TRDN: variants seen among roughly 807,000 people sequenced by gnomAD.
TRDN encodes triadin in skeletal muscle.
TRDN carries 161 observed loss-of-function variants against 149.7 expected under a neutral mutation model. The ratio of observed to expected loss-of-function variants is 1.08; its 90% CI spans 0.95 to 1.23. The LOEUF (loss-of-function observed/expected upper bound fraction) is 1.23. Among genes scored for constraint, TRDN ranks in the 50% most tolerant of loss-of-function variants. The pLI is 0.00. For missense variants in TRDN, 896 were observed against 823.5 expected (o/e 1.09, Z -1.08); for synonymous variants, 294 against 250.5 (o/e 1.17, Z -1.64).
At chr6:123,395,429 T>C (rs994533884) in intron 12 of TRDN, among the ~76,000 whole-genome samples, 1 of 152,114 alleles carries the variant, frequency 6.6e-6, no homozygotes, top group African/African-American at 2.4e-5. Flanking sequence ...AGTTTTCCCA[T>C]TTGAGTGTCC....
Position 123,218,807 on chromosome 6 carries a change from G to A in TRDN, c.2051-67C>T, listed in dbSNP as rs766820457. 1.3e-5 allele frequency: 20 copies of A among 1,487,346 alleles called. No individual in the cohort carries two copies. The Admixed American group carries it at 2.3e-4, about 17-fold the overall frequency. 92.1% of individuals were successfully genotyped at this position (1,487,346 alleles called of 1,614,324 possible). On this transcript the variant is annotated intron_variant, in intron 40 of 40. Transcript: ENST00000334268. ...ATGAGCAAAAAAGCACAGTGAGGCA[G>A]TGCAGTGCAGCAGATAAGGTCACAG...
chr6:123,322,954 C>T (rs974692097), intron 23 of TRDN, among the ~76,000 whole-genome samples: 3 of 152,142 alleles, frequency 2.0e-5, no homozygotes, highest in African/African-American at 7.2e-5. Flanking sequence ...CACCTTTTTT[C>T]ACTGTCTTGT....
intron 24 of TRDN, among the ~76,000 whole-genome samples, chr6:123,290,124 C>T (rs1777950964): frequency 6.6e-6 from 1 of 152,098 alleles, no homozygotes; most frequent in Non-Finnish European, 1.5e-5. Context: ...GCCTTAGGGA[C>T]TCCGGGATAG....
chr6:123,574,013 G>A (rs909085331), intron 1 of TRDN, among the ~76,000 whole-genome samples: 2 of 151,924 alleles, frequency 1.3e-5, no homozygotes, highest in African/African-American at 4.8e-5. Flanking sequence ...TAAATAACAT[G>A]AAATTCTATG....
intron 23 of TRDN, 121 bp from the exon 24 acceptor site, chr6:123,316,616 A>G (rs1223707946): frequency 1.4e-6 from 1 of 723,692 alleles, no homozygotes; most frequent in African/African-American, 1.8e-5. Flanking sequence ...TCTGTTTTCA[A>G]TTTCAATTAT....
intron 1 of TRDN, among the ~76,000 whole-genome samples, chr6:123,615,601 C>T (rs1425030949): frequency 6.6e-6 from 1 of 152,054 alleles, no homozygotes; most frequent in South Asian, 2.1e-4. Context: ...GAAATCCTGT[C>T]ATTCACAGCA....
At chr6:123,635,995 T>C (rs1335647057) in intron 1 of TRDN, among the ~76,000 whole-genome samples, 1 of 151,930 alleles carries the variant, frequency 6.6e-6, no homozygotes, top group African/African-American at 2.4e-5. Flanking sequence ...CAGTAAAGCA[T>C]TGAAACAGAA....
intron 10 of TRDN, among the ~76,000 whole-genome samples, chr6:123,447,164 T>C (rs550213907): frequency 6.6e-6 from 1 of 152,316 alleles, no homozygotes; most frequent in East Asian, 1.9e-4. Flanking sequence ...AAGTCTGCTC[T>C]TCTCATTATC....
chr6:123,369,201 G>A (rs1781228648), intron 19 of TRDN, among the ~76,000 whole-genome samples: 1 of 152,062 alleles, frequency 6.6e-6, no homozygotes, highest in Non-Finnish European at 1.5e-5. Flanking sequence ...TGTTCATGTG[G>A]CAGTCTTCTG....
intron 8 of TRDN, chr6:123,498,443 T>A (rs1405456762): frequency 5.0e-6 from 2 of 402,054 alleles, no homozygotes; most frequent in African/African-American, 4.2e-5. Flanking sequence ...TCTTTTTCAT[T>A]AATACCTAAA....
chr6:123,438,850 G>T, intron 11 of TRDN, 94 bp downstream of exon 11: 1 of 951,864 alleles, frequency 1.1e-6, no homozygotes. Context: ...CATTTATTAA[G>T]GGAATTTCTT....
chr6:123,554,766 AT>A (rs766375495), intron 2 of TRDN, among the ~76,000 whole-genome samples: 2 of 152,184 alleles, frequency 1.3e-5, no homozygotes, highest in Non-Finnish European at 2.9e-5. Flanking sequence ...TGTTTTTAAA[AT>A]CTGAAGTGGT....
At position 123,217,644 on chromosome 6, in the gene TRDN, A is replaced by G. The variant is rs562527021; in HGVS notation, c.*957T>C. On this transcript the variant is annotated 3_prime_UTR_variant, in exon 41 of 41. Transcript: ENST00000334268. The stretch of plus-strand genomic sequence containing the variant: ...CATCTCACGAAGGCATTTAAGGCTA[A>G]AATGAATTCCTTAAACTTTGATGGC... 6.6e-6 allele frequency: 1 copy of G among 152,164 alleles called. No individual in the cohort carries two copies. Among genetic ancestry groups the G allele is most frequent in the African/African-American group, 2.4e-5 (1 of 41,568 alleles). The allele number at this position is 152,164 out of a possible 1,614,324, so 9.4% of individuals were successfully genotyped here.
chr6:123,271,100 T>C (rs777523112), intron 30 of TRDN, 39 bp downstream of exon 30: 2 of 1,327,450 alleles, frequency 1.5e-6, no homozygotes, highest in East Asian at 2.5e-5. Flanking sequence ...ACATAACATA[T>C]AATGAGACAT....
chr6:123,557,081 A>T (rs371384242), intron 2 of TRDN, among the ~76,000 whole-genome samples: 34 of 149,240 alleles, frequency 2.3e-4, no homozygotes, highest in African/African-American at 8.4e-4. Context: ...CCAGAGAATA[A>T]CCCCCCTTTG....
At chr6:123,418,469 C>A (rs1241531351) in intron 12 of TRDN, 2 of 151,988 alleles carry the variant, frequency 1.3e-5, no homozygotes, top group African/African-American at 2.4e-5. Context: ...TTTTTTCCTG[C>A]TCCAACATAG....
At chr6:123,559,803 T>C (rs369956646) in intron 2 of TRDN, among the ~76,000 whole-genome samples, 3,563 of 151,854 alleles carry the variant, frequency 0.023, 138 homozygotes, top group African/African-American at 0.078. Flanking sequence ...CTATCCACCC[T>C]GTGGTTCCAA....
At chr6:123,257,321 C>A (rs1357347045) in intron 35 of TRDN, among the ~76,000 whole-genome samples, 2 of 151,978 alleles carry the variant, frequency 1.3e-5, no homozygotes, top group African/African-American at 4.8e-5. Context: ...TTGTATAAGG[C>A]ATAAGGAAGG....
chr6:123,267,855 C>T (rs1311267426), intron 31 of TRDN, 104 bp from the exon 32 acceptor site: 2 of 758,570 alleles, frequency 2.6e-6, no homozygotes, highest in Non-Finnish European at 4.0e-6. Flanking sequence ...AGAGGCATGC[C>T]CCAAAGTCAT....
Sources: allele counts gnomAD v4.1 joint callset (sites outside exome capture counted in the v4.1 genomes callset), GRCh38; gene constraint gnomAD v4.1.1; transcripts MANE v1.5; gene names NCBI Gene and HGNC (gene_info 2026-07-23, HGNC 2026-07-21).